DST: variants seen among roughly 807,000 people sequenced by gnomAD.
The protein encoded by DST is bullous pemphigoid antigen.
Under a neutral mutation model 875.2 loss-of-function variants are expected in DST, and 253 were observed. The ratio of observed to expected loss-of-function variants is 0.29; its 90% confidence interval spans 0.26 to 0.32. The LOEUF (loss-of-function observed/expected upper bound fraction) is 0.32, where lower values mean the gene tolerates loss of function less well. Among genes scored for constraint, DST ranks in the 10% least tolerant of loss-of-function variants. The pLI, the probability that DST is intolerant of heterozygous loss-of-function variation, is 1.00. For missense variants in DST, 8,287 were observed against 9,111.6 expected, an observed-to-expected ratio of 0.91 and a Z score of 3.68; for synonymous variants, 3,124 against 3,197.1, an observed-to-expected ratio of 0.98 and a Z score of 0.77.
chr6:56,825,533 T>C (rs2099779407), intron 4 of DST, among the ~76,000 whole-genome samples: 3 of 150,354 alleles, frequency 2.0e-5, no homozygotes, highest in Admixed American at 1.3e-4. Context: ...AAAATTTCTG[T>C]AGTTTTCTAA....
chr6:56,929,324 T>C (rs192439796), intron 2 of DST, among the ~76,000 whole-genome samples: 5 of 152,256 alleles, frequency 3.3e-5, no homozygotes, highest in African/African-American at 1.2e-4. Context: ...AATACATTAA[T>C]AGGCGGATGA....
chr6:56,747,665 T>A (rs944397742), intron 4 of DST, among the ~76,000 whole-genome samples: 3 of 152,190 alleles, frequency 2.0e-5, no homozygotes, highest in South Asian at 2.1e-4. Context: ...TAGACTTTTT[T>A]AAAAGGTTTT....
intron 60 of DST, among the ~76,000 whole-genome samples, chr6:56,554,716 C>A (rs189974224): frequency 1.0e-3 from 156 of 152,240 alleles, no homozygotes; most frequent in Non-Finnish European, 1.7e-3. Context: ...TAAATCCAAT[C>A]AATTAAAAAG....
At chr6:56,514,690 C>A (rs73455723) in intron 72 of DST, among the ~76,000 whole-genome samples, 135 of 152,022 alleles carry the variant, frequency 8.9e-4, no homozygotes, top group African/African-American at 3.1e-3. Context: ...GGAAGAGCAA[C>A]TAGGTTCACA....
At chr6:56,632,476 C>T (rs916023338) in intron 28 of DST, among the ~76,000 whole-genome samples, 1 of 152,028 alleles carries the variant, frequency 6.6e-6, no homozygotes, top group Non-Finnish European at 1.5e-5. Flanking sequence ...AGAATAAAAT[C>T]TGTATTTAAC....
At chr6:56,538,789 T>C (rs888136100) in intron 61 of DST, among the ~76,000 whole-genome samples, 3 of 152,172 alleles carry the variant, frequency 2.0e-5, no homozygotes, top group Non-Finnish European at 4.4e-5. Context: ...CAATTACACA[T>C]AATCAAATAA....
chr6:56,473,160 C>T (rs2094980565), intron 93 of DST, among the ~76,000 whole-genome samples: 1 of 152,172 alleles, frequency 6.6e-6, no homozygotes, highest in South Asian at 2.1e-4. Context: ...GGTTATGTTT[C>T]TCAGTTTGGT....
intron 4 of DST, among the ~76,000 whole-genome samples, chr6:56,736,931 C>T (rs1474887503): frequency 2.0e-5 from 3 of 152,038 alleles, no homozygotes; most frequent in Non-Finnish European, 4.4e-5. Context: ...CCCAGCCCTT[C>T]GGGAGGCCAA....
chr6:56,678,255 C>T (rs900575591), intron 9 of DST, among the ~76,000 whole-genome samples: 3 of 152,210 alleles, frequency 2.0e-5, no homozygotes, highest in Non-Finnish European at 4.4e-5. Flanking sequence ...CAGTCATACA[C>T]CTACATCCTG....
Position 56,605,963 on chromosome 6 carries a change from C to T in DST, c.8665G>A (p.Val2889Ile), listed in dbSNP as rs755293364. ...TCTGGAAGGTTGCTTTTTTCAGTAA[C>T]TAAGTTATTTTCACTAGGTGATGCT... ...QLASPSENNLVTEKSNLPEYT... is the reference protein window; with the variant it reads ...QLASPSENNLITEKSNLPEYT... The change falls in exon 40 of 104, where the codon GTT becomes ATT. Residue 2889 changes from valine (V) to isoleucine (I), a missense_variant. Val to Ile is a conservative substitution (Grantham distance 29). This residue lies in a region of DST where 3,138 missense variants were observed against 3,116.6 expected (regional missense o/e 1.01). Coordinates refer to ENST00000680361, the MANE Select transcript of DST (RefSeq NM_001374736.1). The T allele has an allele frequency of 6.2e-7, 1 of 1,612,682 alleles. No homozygotes were observed. The highest frequency in any genetic ancestry group is 8.5e-7 in the Non-Finnish European group (1 of 1,179,380).
chr6:56,949,721 G>A (rs776514338), intron 2 of DST, among the ~76,000 whole-genome samples: 23 of 152,102 alleles, frequency 1.5e-4, no homozygotes, highest in Admixed American at 2.6e-4. Flanking sequence ...GACCTAAAAC[G>A]TAACTCTAGA....
chr6:56,738,970 C>T (rs765725356), intron 4 of DST, among the ~76,000 whole-genome samples: 1 of 151,706 alleles, frequency 6.6e-6, no homozygotes, highest in Non-Finnish European at 1.5e-5. Context: ...CCCCCAGGCA[C>T]TTTGCTTAAA....
chr6:56,870,081 T>C (rs1039479294), intron 3 of DST, among the ~76,000 whole-genome samples: 1 of 151,848 alleles, frequency 6.6e-6, no homozygotes, highest in South Asian at 2.1e-4. Context: ...TTACCACAGA[T>C]AAAGTTCAGT....
intron 61 of DST, among the ~76,000 whole-genome samples, chr6:56,539,750 T>C (rs2097092072): frequency 6.6e-6 from 1 of 152,178 alleles, no homozygotes; most frequent in Admixed American, 6.5e-5. Flanking sequence ...GGAGCTATAA[T>C]GCCTGCAAAG....
rs962315482 is a variant in DST at position 56,583,945 on chromosome 6, G to A, written c.12904-5008C>T. Among the ~76,000 whole-genome samples, 297 of 152,234 alleles carry A rather than the reference G, an allele frequency of 2.0e-3. 4 individuals are homozygous for A. Among genetic ancestry groups the A allele is most frequent in the Non-Finnish European group, 2.4e-3 (163 of 68,004 alleles). On this transcript the variant is annotated intron_variant, in intron 49 of 103. Transcript: ENST00000680361. ...TCTGAGGGCTCTGTTCTGTTCCATTGATCTATATCTCTGTTTTGGTACCAG... is the reference window on the plus strand; with the variant it reads ...TCTGAGGGCTCTGTTCTGTTCCATTAATCTATATCTCTGTTTTGGTACCAG...
chr6:56,679,593 T>C (rs2099147027), intron 9 of DST, among the ~76,000 whole-genome samples: 2 of 138,520 alleles, frequency 1.4e-5, no homozygotes, highest in South Asian at 4.6e-4. Flanking sequence ...GAAGACTATG[T>C]CTCATTAAAA....
intron 2 of DST, among the ~76,000 whole-genome samples, chr6:56,927,098 G>T (rs532545879): frequency 6.6e-6 from 1 of 152,252 alleles, no homozygotes; most frequent in East Asian, 1.9e-4. Flanking sequence ...CATGCTGCCT[G>T]TTTCACAGTT....
At chr6:56,891,894 TC>T (rs1787735900) in intron 3 of DST, among the ~76,000 whole-genome samples, 1 of 152,200 alleles carries the variant, frequency 6.6e-6, no homozygotes, top group Non-Finnish European at 1.5e-5. Flanking sequence ...TTTGCTGCCC[TC>T]TAATCTCCCT....
At chr6:56,923,219 T>G (rs1217134038) in intron 2 of DST, among the ~76,000 whole-genome samples, 15 of 152,074 alleles carry the variant, frequency 9.9e-5, no homozygotes, top group Non-Finnish European at 4.4e-5. Flanking sequence ...AAAAATTCCC[T>G]TAAATTTTTA....
Sources: allele counts gnomAD v4.1 joint callset (sites outside exome capture counted in the v4.1 genomes callset), GRCh38; gene constraint gnomAD v4.1.1; regional missense constraint gnomAD v4.1.1; transcripts MANE v1.5; gene names NCBI Gene and HGNC (gene_info 2026-07-23, HGNC 2026-07-21).